Variants in B3GNT4 observed in about 807,000 individuals in gnomAD.
B3GNT4 encodes the protein N-acetyllactosaminide beta-1,3-N-acetylglucosaminyltransferase 4.
A neutral mutation model predicts 2.7 loss-of-function variants in B3GNT4; 2 were observed. That is an observed-to-expected ratio of 0.73 (90% CI 0.30 to 2.31). The LOEUF is 2.31. Ranked by LOEUF, B3GNT4 falls within the 30% of genes most tolerant of loss-of-function variation. The pLI is 0.12. For synonymous variants in B3GNT4, 280 were observed against 203.4 expected, an observed-to-expected ratio of 1.38 and a Z score of -3.20; for missense variants, 708 against 490.9, an observed-to-expected ratio of 1.44 and a Z score of -4.18.
chr12:122,206,549 C>G lies in B3GNT4; in HGVS notation c.298C>G (p.Arg100Gly), dbSNP rs769859436. 1.9e-6 allele frequency: 3 copies of G among 1,614,202 alleles called. No homozygotes were observed. Among genetic ancestry groups the G allele is most frequent in the Non-Finnish European group, 2.5e-6 (3 of 1,180,024 alleles). ...CCGTCACCGTCTCTTCTTGACCTAT[C>G]GTCACTGCCGAAATTTCTCTATCTT... ...PSRHRLFLTY[R>G]HCRNFSILLE... The change falls in exon 3 of 3, where the codon CGT (arginine) becomes GGT (glycine). Residue 100 changes from arginine (R) to glycine (G), a missense_variant. Transcript: ENST00000324189.
At position 122,207,338 on chromosome 12, in the gene B3GNT4, G is replaced by T; in HGVS notation, c.1087G>T (p.Val363Leu). 1 of 1,606,080 alleles carries T rather than the reference G, an allele frequency of 6.2e-7. No homozygotes were observed. Among genetic ancestry groups the T allele is most frequent in the Non-Finnish European group, 8.5e-7 (1 of 1,175,510 alleles). ...PLEMWTMWAL[V>L]TDEGLKCAAG... Reference sequence around the variant, plus strand: ...CGAGATGTGGACCATGTGGGCACTGGTGACAGATGAGGGGCTCAAGTGTGC... The same window carrying T: ...CGAGATGTGGACCATGTGGGCACTGTTGACAGATGAGGGGCTCAAGTGTGC... Residue 363 changes from valine (V) to leucine (L), a missense_variant, in exon 3 of 3, where the codon GTG (valine) becomes TTG (leucine). Coordinates refer to ENST00000324189, the MANE Select transcript of B3GNT4 (RefSeq NM_030765.4).
chr12:122,206,099 C>T, intron 2 of B3GNT4: 1 of 483,340 alleles, frequency 2.1e-6, no homozygotes, highest in Non-Finnish European at 3.6e-6. Context: ...CCCAGGAGTC[C>T]TCAGATGATG....
rs1394575569 is a variant in B3GNT4 at position 122,207,362 on chromosome 12, GCAGCTGGCCCCATACCC to G, written c.1116_1132del (p.Gly373LeufsTer46). 6 of 1,584,180 alleles carry G rather than the reference GCAGCTGGCCCCATACCC, an allele frequency of 3.8e-6. No homozygotes were observed. The East Asian group carries it at 1.1e-4, about 30-fold the overall frequency. On this transcript the variant is annotated frameshift_variant, in exon 3 of 3. Coordinates refer to ENST00000324189, the MANE Select transcript of B3GNT4 (RefSeq NM_030765.4). LOFTEE classifies it low-confidence loss of function (END_TRUNC). ...GGTGACAGATGAGGGGCTCAAGTGT[GCAGCTGGCCCCATACCC>G]CAGCGCTGAAGGGTGGGTTGGGCAA... is the stretch of plus-strand genomic sequence containing the variant.
rs777417308 is a variant in B3GNT4, at chr12:122,206,859, G to A, written c.608G>A (p.Trp203Ter). The change falls in exon 3 of 3, where the codon TGG becomes TAG. Residue 203 changes from tryptophan (W) to a stop codon, truncating the protein, a stop_gained. Coordinates refer to ENST00000324189, the MANE Select transcript of B3GNT4 (RefSeq NM_030765.4). LOFTEE classifies it low-confidence loss of function (END_TRUNC). Reference sequence around the variant, plus strand: ...CTCAAGGAGCTGCACCTGCAGCGCTGGGTGGTGGCTGCCTGCCCCCAGGCC... The same window carrying A: ...CTCAAGGAGCTGCACCTGCAGCGCTAGGTGGTGGCTGCCTGCCCCCAGGCC... ...LTLKELHLQR[W>*]VVAACPQAHF... 1 of 1,613,852 alleles carries A rather than the reference G, an allele frequency of 6.2e-7. No homozygotes were observed. The highest frequency in any genetic ancestry group is 8.5e-7 in the Non-Finnish European group (1 of 1,180,020).
Position 122,204,722 on chromosome 12 carries a change from C to T in B3GNT4, c.66+38C>T, listed in dbSNP as rs550784704. 143 of 1,527,026 alleles carry T rather than the reference C, an allele frequency of 9.4e-5. 1 individual carries two copies. In the South Asian group the frequency reaches 1.3e-3, roughly 14 times the overall value. 94.6% of individuals were successfully genotyped at this position (1,527,026 alleles called of 1,614,324 possible). A position where few individuals can be genotyped will look rare whatever the true frequency, so the allele number is the denominator to read the frequency against. On this transcript the variant is annotated intron_variant, in intron 2 of 2. Coordinates refer to ENST00000324189, the MANE Select transcript of B3GNT4 (RefSeq NM_030765.4). ...CACCGCCTCTGCCAGACCCCCTTGT[C>T]CCCCACCCCCGCATAGATCTCCAGG...
At position 122,203,724 on chromosome 12, in the gene B3GNT4, G is replaced by A. The variant is rs1953876600; in HGVS notation, c.-175G>A. On this transcript the variant is annotated 5_prime_UTR_variant, in exon 1 of 3. Transcript: ENST00000324189. ...AGCCCCGCCCACTCCCGAGCCCCGA[G>A]AGCTCCGCGCACCTGGGCGCCATCC... The A allele has an allele frequency of 7.0e-6, 2 of 283,828 alleles. No individual in the cohort carries two copies. The highest frequency in any genetic ancestry group is 1.2e-4 in the South Asian group (1 of 8,344). The allele number at this position is 283,828 out of a possible 1,614,324, so 17.6% of individuals were successfully genotyped here.
rs1953975155 is a variant in B3GNT4 at position 122,208,194 on chromosome 12, C to T, written c.*806C>T. The T allele has an allele frequency of 1.4e-6, 1 of 735,978 alleles. No individual in the cohort carries two copies. The highest frequency in any genetic ancestry group is 2.4e-6 in the Non-Finnish European group (1 of 418,704). 45.6% of individuals were successfully genotyped at this position (735,978 alleles called of 1,614,324 possible). A position where few individuals can be genotyped will look rare whatever the true frequency, so the allele number is the denominator to read the frequency against. Reference sequence around the variant, plus strand: ...GGGTGCAGTGCCCAAGGGCTAAGAACCAGGTCCAGCGCAAGCCTGAGACCA... The same window carrying T: ...GGGTGCAGTGCCCAAGGGCTAAGAATCAGGTCCAGCGCAAGCCTGAGACCA... On this transcript the variant is annotated 3_prime_UTR_variant, in exon 3 of 3. Coordinates refer to ENST00000324189, the MANE Select transcript of B3GNT4 (RefSeq NM_030765.4).
In B3GNT4 at chr12:122,208,730, C is replaced by T. The variant is rs1374142752; in HGVS notation, c.*1342C>T. The stretch of plus-strand genomic sequence containing the variant: ...GTCTTCTCTCTCTGCAAAGAAACTT[C>T]CACCTCTATGTTCAGGTCTGGATTT... On this transcript the variant is annotated 3_prime_UTR_variant, in exon 3 of 3. Coordinates refer to ENST00000324189, the MANE Select transcript of B3GNT4 (RefSeq NM_030765.4). 3.9e-6 allele frequency: 3 copies of T among 769,176 alleles called. No homozygotes were observed. The highest frequency in any genetic ancestry group is 3.4e-5 in the African/African-American group (2 of 58,456). The allele number at this position is 769,176 out of a possible 1,614,324, so 47.6% of individuals were successfully genotyped here.
rs757251464 is a variant in B3GNT4 at position 122,206,755 on chromosome 12, C to A, written c.504C>A (p.Ala168=). ...GGGTGGCAGGATCCGCTCCCCCAGC[C>A]CAGCTGCTGGCCTATGAGAGTAGGG... is the stretch of plus-strand genomic sequence containing the variant. The part of the protein sequence containing the change: ...LLGVAGSAPP[A]QLLAYESREF... Residue 168 remains alanine (A), a synonymous_variant, in exon 3 of 3, where the codon GCC becomes GCA. Coordinates refer to ENST00000324189, the MANE Select transcript of B3GNT4 (RefSeq NM_030765.4). 58 of 1,606,022 alleles carry A rather than the reference C, an allele frequency of 3.6e-5. No homozygotes were observed. The highest frequency in any genetic ancestry group is 4.9e-5 in the Non-Finnish European group (58 of 1,175,448).
chr12:122,207,705 A>C lies in B3GNT4; in HGVS notation c.*317A>C, dbSNP rs1452357408. On this transcript the variant is annotated 3_prime_UTR_variant, in exon 3 of 3. Transcript: ENST00000324189. ...GCATTTTCTCTTTCAGATGCAAACA[A>C]AATCTTACACTCTTCTCCTTTGGAT... 5 of 562,912 alleles carry C rather than the reference A, an allele frequency of 8.9e-6. No individual in the cohort carries two copies. The highest frequency in any genetic ancestry group is 7.6e-5 in the South Asian group (5 of 65,406). 34.9% of individuals were successfully genotyped at this position (562,912 alleles called of 1,614,324 possible).
In B3GNT4 at chr12:122,207,405, C is replaced by A. The variant is rs775024311; in HGVS notation, c.*17C>A. On this transcript the variant is annotated 3_prime_UTR_variant, in exon 3 of 3. Coordinates refer to ENST00000324189, the MANE Select transcript of B3GNT4 (RefSeq NM_030765.4). ...CAGCGCTGAAGGGTGGGTTGGGCAA[C>A]AGCCTGAGAGTGGACTCAGTGTTGA... The A allele has an allele frequency of 9.2e-6, 14 of 1,525,282 alleles. No individual in the cohort carries two copies. Among genetic ancestry groups the A allele is most frequent in the Non-Finnish European group, 1.2e-5 (14 of 1,138,672 alleles). The allele number at this position is 1,525,282 out of a possible 1,614,324, so 94.5% of individuals were successfully genotyped here.
rs141914674 is a variant in B3GNT4 at position 122,206,466 on chromosome 12, G to A, written c.215G>A (p.Arg72His). Reference sequence around the variant, plus strand: ...CCTTTCTGGGCTCCCCCAACACCCCGTCACAGCCGGTGTCCACCCAACCAC... The same window carrying A: ...CCTTTCTGGGCTCCCCCAACACCCCATCACAGCCGGTGTCCACCCAACCAC... The part of the protein sequence containing the change: ...HQPFWAPPTP[R>H]HSRCPPNHTV... Residue 72 changes from arginine to histidine, a missense_variant, in exon 3 of 3, where the codon CGT becomes CAT. Coordinates refer to ENST00000324189, the MANE Select transcript of B3GNT4 (RefSeq NM_030765.4). 2.5e-4 allele frequency: 400 copies of A among 1,614,144 alleles called. 1 individual carries two copies. The African/African-American group carries it at 4.7e-3, about 19-fold the overall frequency.
At position 122,207,222 on chromosome 12, in the gene B3GNT4, G is replaced by T; in HGVS notation, c.971G>T (p.Gly324Val). ...RLGLSPMHHA[G>V]FKTFGIRRPL... Reference sequence around the variant, plus strand: ...GGGCTGAGCCCTATGCACCATGCTGGCTTCAAGACATTTGGAATCCGGCGG... The same window carrying T: ...GGGCTGAGCCCTATGCACCATGCTGTCTTCAAGACATTTGGAATCCGGCGG... Residue 324 changes from glycine to valine, a missense_variant, in exon 3 of 3, where the codon GGC (glycine) becomes GTC (valine). Transcript: ENST00000324189. 1 of 1,614,090 alleles carries T rather than the reference G, an allele frequency of 6.2e-7. No individual in the cohort carries two copies. The highest frequency in any genetic ancestry group is 1.3e-5 in the African/African-American group (1 of 75,020).
chr12:122,204,991 C>T (rs1953896139), intron 2 of B3GNT4: 1 of 383,116 alleles, frequency 2.6e-6, no homozygotes, highest in Non-Finnish European at 4.7e-6. Context: ...AATTGTGCCA[C>T]TGCACTAGAG....
At position 122,208,654 on chromosome 12, in the gene B3GNT4, G is replaced by A. The variant is rs1208719148; in HGVS notation, c.*1266G>A. 5 of 1,466,454 alleles carry A rather than the reference G, an allele frequency of 3.4e-6. No homozygotes were observed. Among genetic ancestry groups the A allele is most frequent in the Non-Finnish European group, 4.7e-6 (5 of 1,072,670 alleles). The allele number at this position is 1,466,454 out of a possible 1,614,324, so 90.8% of individuals were successfully genotyped here. On this transcript the variant is annotated 3_prime_UTR_variant, in exon 3 of 3. Coordinates refer to ENST00000324189, the MANE Select transcript of B3GNT4 (RefSeq NM_030765.4). ...CTCATGTGGACGTTGGCCTGGGGGT[G>A]CTGTGGCTGTCATCTGAACCCCTCT...
In B3GNT4 at chr12:122,207,289, G is replaced by A. The variant is rs1953942206; in HGVS notation, c.1038G>A (p.Leu346=). 1.9e-6 allele frequency: 3 copies of A among 1,613,846 alleles called. No homozygotes were observed. The African/African-American group carries it at 4.0e-5, about 22-fold the overall frequency. ...ACCCCTGCCTGTATAGGGGGCTCCTGCTGGTTCACCGCCTCAGCCCCCTCG... is the reference window on the plus strand; with the variant it reads ...ACCCCTGCCTGTATAGGGGGCTCCTACTGGTTCACCGCCTCAGCCCCCTCG... ...PLDPCLYRGL[L]LVHRLSPLEM... Residue 346 remains leucine (L), a synonymous_variant, in exon 3 of 3, where the codon CTG becomes CTA. Transcript: ENST00000324189.
rs769214227 is a variant in B3GNT4, at chr12:122,208,762, C to T, written c.*1374C>T. 2 of 706,564 alleles carry T rather than the reference C, an allele frequency of 2.8e-6. No homozygotes were observed. The highest frequency in any genetic ancestry group is 2.5e-6 in the Non-Finnish European group (1 of 392,318). 43.8% of individuals were successfully genotyped at this position (706,564 alleles called of 1,614,324 possible). ...TATGTTCAGGTCTGGATTTAACTGA[C>T]ACTCTGTCAAAAACAGCATTTTTCT... On this transcript the variant is annotated 3_prime_UTR_variant, in exon 3 of 3. Transcript: ENST00000324189.
intron 1 of B3GNT4, among the ~76,000 whole-genome samples, chr12:122,204,138 C>T (rs532539244): frequency 2.6e-5 from 4 of 151,888 alleles, no homozygotes; most frequent in East Asian, 1.9e-4. Flanking sequence ...TCTCTGCTGC[C>T]GTCAGCCCTT....
Position 122,208,306 on chromosome 12 carries a change from G to T in B3GNT4, c.*918G>T. On this transcript the variant is annotated 3_prime_UTR_variant, in exon 3 of 3. Coordinates refer to ENST00000324189, the MANE Select transcript of B3GNT4 (RefSeq NM_030765.4). ...CTCTTCTCGGTGCACAGACAGTCAT[G>T]CCAACCCTGGGCAGGGTGGCATCTG... 2 of 1,558,826 alleles carry T rather than the reference G, an allele frequency of 1.3e-6. No individual in the cohort carries two copies. Among genetic ancestry groups the T allele is most frequent in the Non-Finnish European group, 8.8e-7 (1 of 1,140,140 alleles).
Sources: gnomAD v4.1 joint callset for allele counts (sites outside exome capture counted in the v4.1 genomes callset) on GRCh38, gnomAD v4.1.1 for gene constraint, MANE v1.5 for transcripts, NCBI Gene and HGNC (gene_info 2026-07-23, HGNC 2026-07-21) for gene names.